Variants in PPP2R2A observed in about 807,000 individuals in gnomAD.
The protein encoded by PPP2R2A is protein phosphatase 2 regulatory subunit Balpha, also known as serine/threonine-protein phosphatase 2A 55 kDa regulatory subunit B alpha isoform.
Under a neutral mutation model 53.2 loss-of-function variants are expected in PPP2R2A, and 9 were observed. That is an observed-to-expected ratio of 0.17 (90% CI 0.10 to 0.30). The LOEUF (loss-of-function observed/expected upper bound fraction) is 0.30, where lower values mean the gene tolerates loss of function less well. Among genes scored for constraint, PPP2R2A ranks in the 10% least tolerant of loss-of-function variants. The pLI is 1.00. For missense variants in PPP2R2A, 235 were observed against 534.6 expected, an observed-to-expected ratio of 0.44 and a Z score of 5.53; for synonymous variants, 169 against 174.2, an observed-to-expected ratio of 0.97 and a Z score of 0.23.
rs1190009113 is a variant in PPP2R2A at position 26,370,481 on chromosome 8, C to T, written c.*68C>T. 1.0e-5 allele frequency: 16 copies of T among 1,541,352 alleles called. No individual in the cohort carries two copies. Among genetic ancestry groups the T allele is most frequent in the Non-Finnish European group, 1.4e-5 (16 of 1,129,892 alleles). On this transcript the variant is annotated 3_prime_UTR_variant, in exon 10 of 10. Transcript: ENST00000380737. This position sits in a 1 kb window ranked among gnomAD's most constrained non-coding sequence, Gnocchi z 6.1. ...AGATAGTTGAATCTAGCATTCGTTC[C>T]TATAAAAGAGAGAGGTCCATTGTGG...
At chr8:26,302,299 C>T (rs1012818334) in intron 2 of PPP2R2A, among the ~76,000 whole-genome samples, 2 of 152,198 alleles carry the variant, frequency 1.3e-5, no homozygotes, top group Non-Finnish European at 1.5e-5. Context: ...TTGGAAAACA[C>T]GTCTCTGCCA....
At chr8:26,314,908 A>C (rs1340968670) in intron 2 of PPP2R2A, among the ~76,000 whole-genome samples, 8 of 37,906 alleles carry the variant, frequency 2.1e-4, no homozygotes, top group East Asian at 1.7e-3. Flanking sequence ...CCCCCCAACT[A>C]TTTTCCATTT....
intron 2 of PPP2R2A, among the ~76,000 whole-genome samples, chr8:26,332,189 A>G (rs1585368411): frequency 6.6e-6 from 1 of 152,016 alleles, no homozygotes; most frequent in East Asian, 1.9e-4. Context: ...GCCTGTCTCT[A>G]CTAAAAATAC....
At chr8:26,334,779 G>T (rs2117313287) in intron 2 of PPP2R2A, among the ~76,000 whole-genome samples, 1 of 152,116 alleles carries the variant, frequency 6.6e-6, no homozygotes, top group East Asian at 1.9e-4. Context: ...AAAAAAGTCA[G>T]TATCCACTCT....
chr8:26,304,069 G>A (rs1014651537), intron 2 of PPP2R2A, among the ~76,000 whole-genome samples: 3 of 152,208 alleles, frequency 2.0e-5, no homozygotes, highest in Non-Finnish European at 4.4e-5. Context: ...CTAATCTTGA[G>A]TTATGCCTGT....
At chr8:26,299,443 A>G (rs954108668) in intron 2 of PPP2R2A, among the ~76,000 whole-genome samples, 22 of 152,192 alleles carry the variant, frequency 1.4e-4, no homozygotes, top group African/African-American at 4.3e-4. Context: ...ATTATCTTAT[A>G]AAGTCTTATT....
chr8:26,325,347 A>G (rs1473532683), intron 2 of PPP2R2A, among the ~76,000 whole-genome samples: 1 of 151,214 alleles, frequency 6.6e-6, no homozygotes, highest in Non-Finnish European at 1.5e-5. Flanking sequence ...CTTCTTCCTC[A>G]TTTTTCTCTT....
chr8:26,355,749 C>T (rs1804745342), intron 4 of PPP2R2A, among the ~76,000 whole-genome samples: 1 of 151,760 alleles, frequency 6.6e-6, no homozygotes, highest in African/African-American at 2.4e-5. Context: ...CCTGTAGTTC[C>T]AGCTACTGGG....
At chr8:26,364,534 T>C (rs1400835759) in intron 8 of PPP2R2A, among the ~76,000 whole-genome samples, 1 of 152,234 alleles carries the variant, frequency 6.6e-6, no homozygotes, top group Non-Finnish European at 1.5e-5. Flanking sequence ...AAACCTGTGC[T>C]AGGCCCTAGA....
chr8:26,346,357 T>C (rs1230315408), intron 3 of PPP2R2A, among the ~76,000 whole-genome samples: 1 of 152,088 alleles, frequency 6.6e-6, no homozygotes, highest in Non-Finnish European at 1.5e-5. Context: ...ACCGGGCTGG[T>C]CTCAAACTTC....
At chr8:26,295,536 G>A (rs1021330140) in intron 2 of PPP2R2A, among the ~76,000 whole-genome samples, 7 of 152,210 alleles carry the variant, frequency 4.6e-5, no homozygotes, top group Non-Finnish European at 7.3e-5. Context: ...AGAACCTATT[G>A]ACGTGAAGTT....
intron 2 of PPP2R2A, among the ~76,000 whole-genome samples, chr8:26,315,450 G>T (rs1301665305): frequency 6.6e-6 from 1 of 152,196 alleles, no homozygotes; most frequent in Non-Finnish European, 1.5e-5. Context: ...TTACTATGCA[G>T]CCTTTCATTT....
chr8:26,346,116 GGTT>G (rs918522669), intron 3 of PPP2R2A, among the ~76,000 whole-genome samples: 6 of 91,486 alleles, frequency 6.6e-5, no homozygotes, highest in Admixed American at 3.1e-4. Flanking sequence ...TTACCAGTCG[GGTT>G]ATTATTATTA....
chr8:26,367,447 G>A (rs892151882), intron 9 of PPP2R2A, among the ~76,000 whole-genome samples: 12 of 152,112 alleles, frequency 7.9e-5, no homozygotes, highest in African/African-American at 2.7e-4. Flanking sequence ...AAAACGATTT[G>A]TTTTCCTTAA....
intron 2 of PPP2R2A, among the ~76,000 whole-genome samples, chr8:26,304,802 G>A (rs868296170): frequency 6.6e-6 from 1 of 152,188 alleles, no homozygotes; most frequent in Non-Finnish European, 1.5e-5. Flanking sequence ...GGAATTGGTA[G>A]TAGCAAAGGC....
chr8:26,344,259 A>C (rs1018858530), intron 3 of PPP2R2A, among the ~76,000 whole-genome samples: 3 of 152,236 alleles, frequency 2.0e-5, no homozygotes, highest in Non-Finnish European at 4.4e-5. Context: ...ATGTATTACA[A>C]ATTTATAAAT....
chr8:26,338,850 A>G lies in PPP2R2A; in HGVS notation c.83-40A>G. On this transcript the variant is annotated intron_variant, in intron 2 of 9. Transcript: ENST00000380737. The surrounding 1 kb of genome is among the most constrained non-coding windows in gnomAD (Gnocchi z 4.5). ...TTCTGAAACTAGTGAGTCGGGAAAGAAAAACTAATATCTTTTTTTGTTTTG... is the reference window on the plus strand; with the variant it reads ...TTCTGAAACTAGTGAGTCGGGAAAGGAAAACTAATATCTTTTTTTGTTTTG... 7.0e-7 allele frequency: 1 copy of G among 1,424,292 alleles called. No homozygotes were observed. The highest frequency in any genetic ancestry group is 9.8e-7 in the Non-Finnish European group (1 of 1,021,646). 88.2% of individuals were successfully genotyped at this position (1,424,292 alleles called of 1,614,324 possible).
rs143420169 is a variant in PPP2R2A at position 26,306,081 on chromosome 8, G to C, written c.82+12341G>C. 1.5e-3 allele frequency among the ~76,000 whole-genome samples: 234 copies of C among 152,146 alleles called. 2 individuals are homozygous for C. Among genetic ancestry groups the C allele is most frequent in the African/African-American group, 5.0e-3 (206 of 41,502 alleles). On this transcript the variant is annotated intron_variant, in intron 2 of 9. Coordinates refer to ENST00000380737, the MANE Select transcript of PPP2R2A (RefSeq NM_002717.4). Reference sequence around the variant, plus strand: ...CCAGCCACTCAGGAGGCTGAGACAGGAGAATCGCTTGAACCCAGGAGTTAG... The same window carrying C: ...CCAGCCACTCAGGAGGCTGAGACAGCAGAATCGCTTGAACCCAGGAGTTAG...
chr8:26,309,181 A>G (rs1802161346), intron 2 of PPP2R2A, among the ~76,000 whole-genome samples: 1 of 152,120 alleles, frequency 6.6e-6, no homozygotes, highest in Non-Finnish European at 1.5e-5. Flanking sequence ...TAATAATGCT[A>G]ACAATTGTCT....
Sources: gnomAD v4.1 joint callset for allele counts (sites outside exome capture counted in the v4.1 genomes callset) on GRCh38, gnomAD v4.1.1 for gene constraint, Gnocchi (gnomAD v3.1) non-coding constraint, MANE v1.5 for transcripts, NCBI Gene and HGNC (gene_info 2026-07-23, HGNC 2026-07-21) for gene names.